The following ZDHHC2 variants were observed in gnomAD, a reference collection of about 807,000 sequenced individuals.
ZDHHC2 encodes palmitoyltransferase ZDHHC2.
A neutral mutation model predicts 55.6 loss-of-function variants in ZDHHC2; 51 were observed. The observed-to-expected ratio is 0.92, with a 90% CI of 0.73 to 1.16. The LOEUF (loss-of-function observed/expected upper bound fraction) is 1.16, where lower values mean the gene tolerates loss of function less well. Among genes scored for constraint, ZDHHC2 ranks in the 50% most tolerant of loss-of-function variants. The pLI, the probability that ZDHHC2 is intolerant of heterozygous loss-of-function variation, is 0.00. For synonymous variants in ZDHHC2, 199 were observed against 152.9 expected, an observed-to-expected ratio of 1.30 and a Z score of -2.22; for missense variants, 491 against 442.4, an observed-to-expected ratio of 1.11 and a Z score of -0.99.
rs1444646745 is a variant in ZDHHC2 at position 17,199,591 on chromosome 8, T to G, written c.476+1178T>G. 8.5e-5 allele frequency among the ~76,000 whole-genome samples: 4 copies of G among 46,812 alleles called. No homozygotes were observed. The East Asian group carries it at 9.6e-4, about 11-fold the overall frequency. 30.7% of individuals were successfully genotyped at this position (46,812 alleles called of 152,430 possible). A position where few individuals can be genotyped will look rare whatever the true frequency, so the allele number is the denominator to read the frequency against. Reference sequence around the variant, plus strand: ...TCGTCTTTGTCTTCTTCTTCTTCTTTCTTCTTCTTTATTCTTTCTTCTTCT... The same window carrying G: ...TCGTCTTTGTCTTCTTCTTCTTCTTGCTTCTTCTTTATTCTTTCTTCTTCT... On this transcript the variant is annotated intron_variant, in intron 6 of 12. Transcript: ENST00000262096.
rs1382543279 is a variant in ZDHHC2 at position 17,197,445 on chromosome 8, C to G, written c.374-137C>G. The G allele has an allele frequency of 3.2e-5, 24 of 757,072 alleles. 1 individual carries two copies. The South Asian group carries it at 4.8e-4, about 15-fold the overall frequency. 46.9% of individuals were successfully genotyped at this position (757,072 alleles called of 1,614,324 possible). A position where few individuals can be genotyped will look rare whatever the true frequency, so the allele number is the denominator to read the frequency against. Reference sequence around the variant, plus strand: ...TTCCATTTTTGTATTTAAACAGCATCAAATATCTTATTTTTTTACCATATT... The same window carrying G: ...TTCCATTTTTGTATTTAAACAGCATGAAATATCTTATTTTTTTACCATATT... On this transcript the variant is annotated intron_variant, in intron 4 of 12. Transcript: ENST00000262096.
intron 2 of ZDHHC2, among the ~76,000 whole-genome samples, 178 bp downstream of exon 2, chr8:17,184,993 G>T (rs1233041652): frequency 2.0e-5 from 3 of 152,152 alleles, no homozygotes; most frequent in Admixed American, 2.0e-4. Context: ...CCTTGGCAAA[G>T]AATTCTATCC....
intron 6 of ZDHHC2, among the ~76,000 whole-genome samples, chr8:17,199,762 CTTT>C (rs36175869): frequency 2.3e-5 from 3 of 129,018 alleles, no homozygotes; most frequent in Admixed American, 7.9e-5. Flanking sequence ...CTTTCTTCTT[CTTT>C]TTTTTTTTTT....
At position 17,186,399 on chromosome 8, in the gene ZDHHC2, A is replaced by G. The variant is rs1805712360; in HGVS notation, c.226A>G (p.Thr76Ala). 6.3e-7 allele frequency: 1 copy of G among 1,576,450 alleles called. No homozygotes were observed. Among genetic ancestry groups the G allele is most frequent in the Non-Finnish European group, 8.6e-7 (1 of 1,166,058 alleles). ...FVWSYWKTIF[T>A]LPMNPSKEFH... ...CTGGTCATACTGGAAAACTATCTTT[A>G]CATTACCAATGAATCCTTCAAAAGA... is the stretch of plus-strand genomic sequence containing the variant. Residue 76 changes from threonine to alanine, a missense_variant, in exon 3 of 13, where the codon ACA becomes GCA. Coordinates refer to ENST00000262096, the MANE Select transcript of ZDHHC2 (RefSeq NM_016353.5).
chr8:17,224,727 T>A lies in ZDHHC2; in HGVS notation c.*4506T>A, dbSNP rs1383807476. ...AGCAAGGCTATTTTGTCAGTTTAGATTTTGTGTCTTTTTCTGTCAGTATGT... is the reference window on the plus strand; with the variant it reads ...AGCAAGGCTATTTTGTCAGTTTAGAATTTGTGTCTTTTTCTGTCAGTATGT... On this transcript the variant is annotated 3_prime_UTR_variant, in exon 13 of 13. Coordinates refer to ENST00000262096, the MANE Select transcript of ZDHHC2 (RefSeq NM_016353.5). The A allele has an allele frequency of 6.6e-6, 1 of 151,796 alleles. No individual in the cohort carries two copies. The highest frequency in any genetic ancestry group is 1.5e-5 in the Non-Finnish European group (1 of 67,738). 9.4% of individuals were successfully genotyped at this position (151,796 alleles called of 1,614,324 possible).
At chr8:17,170,985 C>G (rs1282477943) in intron 1 of ZDHHC2, among the ~76,000 whole-genome samples, 1 of 152,150 alleles carries the variant, frequency 6.6e-6, no homozygotes, top group Non-Finnish European at 1.5e-5. Context: ...ACATAAATCC[C>G]TAGTTGACAT....
At chr8:17,192,643 C>T (rs1426810203) in intron 3 of ZDHHC2, among the ~76,000 whole-genome samples, 1 of 152,154 alleles carries the variant, frequency 6.6e-6, no homozygotes, top group Non-Finnish European at 1.5e-5. Flanking sequence ...TCCCATTTGT[C>T]CACTTTTGCT....
intron 4 of ZDHHC2, 140 bp from the exon 5 acceptor site, chr8:17,197,442 C>T (rs1806375445): frequency 1.4e-6 from 1 of 721,932 alleles, no homozygotes; most frequent in South Asian, 2.2e-5. Flanking sequence ...ATTTAAACAG[C>T]ATCAAATATC....
chr8:17,206,877 TAC>T (rs1165266893), intron 7 of ZDHHC2, among the ~76,000 whole-genome samples: 1 of 152,186 alleles, frequency 6.6e-6, no homozygotes, highest in African/African-American at 2.4e-5. Flanking sequence ...CCAAATTTAA[TAC>T]CAAAGAGTTA....
intron 1 of ZDHHC2, among the ~76,000 whole-genome samples, chr8:17,183,484 T>C (rs1308852239): frequency 1.3e-5 from 2 of 152,226 alleles, no homozygotes; most frequent in Admixed American, 1.3e-4. Context: ...AACAGGCCAT[T>C]TGTAAATCGA....
intron 1 of ZDHHC2, among the ~76,000 whole-genome samples, chr8:17,181,131 C>T (rs1805410888): frequency 6.6e-6 from 1 of 152,180 alleles, no homozygotes; most frequent in Admixed American, 6.6e-5. Flanking sequence ...TAACTTTTCT[C>T]TTGAGTTTTT....
chr8:17,199,836 T>C (rs1325350709), intron 6 of ZDHHC2, among the ~76,000 whole-genome samples: 1 of 149,906 alleles, frequency 6.7e-6, no homozygotes, highest in Non-Finnish European at 1.5e-5. Flanking sequence ...CTCAGCTCAC[T>C]GCAACCTCTG....
chr8:17,161,678 T>C (rs1804351417), intron 1 of ZDHHC2, among the ~76,000 whole-genome samples: 1 of 152,016 alleles, frequency 6.6e-6, no homozygotes, highest in South Asian at 2.1e-4. Context: ...GCCAACATAG[T>C]GGAACCCTGT....
intron 1 of ZDHHC2, among the ~76,000 whole-genome samples, chr8:17,171,095 T>A (rs1804831736): frequency 6.6e-6 from 1 of 152,104 alleles, no homozygotes; most frequent in Non-Finnish European, 1.5e-5. Context: ...GAGTCAGTCA[T>A]GGCCTCTGTG....
At chr8:17,157,879 C>T (rs1481734422) in intron 1 of ZDHHC2, among the ~76,000 whole-genome samples, 2 of 152,162 alleles carry the variant, frequency 1.3e-5, no homozygotes, top group Non-Finnish European at 2.9e-5. Flanking sequence ...ATTGAGCCTT[C>T]ACAAGCTCAG....
rs1808000820 is a variant in ZDHHC2, at chr8:17,223,464, A to G, written c.*3243A>G. ...TCTTTCTGCAGAAACGTGTTCTTCT[A>G]AAGCAGAAAACCACGTGGCTTAATC... On this transcript the variant is annotated 3_prime_UTR_variant, in exon 13 of 13. Transcript: ENST00000262096. 1 of 151,892 alleles carries G rather than the reference A, an allele frequency of 6.6e-6. No homozygotes were observed. The highest frequency in any genetic ancestry group is 1.5e-5 in the Non-Finnish European group (1 of 67,794). 9.4% of individuals were successfully genotyped at this position (151,892 alleles called of 1,614,324 possible). A position where few individuals can be genotyped will look rare whatever the true frequency, so the allele number is the denominator to read the frequency against.
intron 1 of ZDHHC2, among the ~76,000 whole-genome samples, chr8:17,177,989 A>G (rs957907406): frequency 1.3e-5 from 2 of 152,214 alleles, no homozygotes; most frequent in Non-Finnish European, 2.9e-5. Context: ...TACATTTGCA[A>G]TAAAATACCC....
At position 17,188,519 on chromosome 8, in the gene ZDHHC2, A is replaced by G. The variant is rs943317750; in HGVS notation, c.252+2094A>G. On this transcript the variant is annotated intron_variant, in intron 3 of 12. Coordinates refer to ENST00000262096, the MANE Select transcript of ZDHHC2 (RefSeq NM_016353.5). ...CATGGAAATAATATATTTATTTTCC[A>G]TTCATACTGGCAGCTCCTTCTTGGC... Among the ~76,000 whole-genome samples the G allele has an allele frequency of 5.3e-5, 8 of 152,120 alleles. No homozygotes were observed. In the South Asian group the frequency reaches 1.0e-3, roughly 20 times the overall value.
chr8:17,223,065 CAT>C lies in ZDHHC2; in HGVS notation c.*2845_*2846del, dbSNP rs756613786. On this transcript the variant is annotated 3_prime_UTR_variant, in exon 13 of 13. Coordinates refer to ENST00000262096, the MANE Select transcript of ZDHHC2 (RefSeq NM_016353.5). The stretch of plus-strand genomic sequence containing the variant: ...GTTTATAAAAAATTAGGCACGCAAT[CAT>C]GTGATTCATGCTTCAAGAAAATATA... 9.9e-5 allele frequency: 15 copies of C among 151,956 alleles called. No homozygotes were observed. Among genetic ancestry groups the C allele is most frequent in the East Asian group, 1.9e-4 (1 of 5,186 alleles). 9.4% of individuals were successfully genotyped at this position (151,956 alleles called of 1,614,324 possible). A position where few individuals can be genotyped will look rare whatever the true frequency, so the allele number is the denominator to read the frequency against.
Sources: allele counts gnomAD v4.1 joint callset (sites outside exome capture counted in the v4.1 genomes callset), GRCh38; gene constraint gnomAD v4.1.1; transcripts MANE v1.5; gene names NCBI Gene and HGNC (gene_info 2026-07-23, HGNC 2026-07-21).